Variants in SCML2 observed in about 807,000 individuals in gnomAD.
The protein encoded by SCML2 is Scm polycomb group protein like 2, also known as sex comb on midleg-like protein 2.
A neutral mutation model predicts 48.4 loss-of-function variants in SCML2; 6 were observed. The observed-to-expected ratio is 0.12, with a 90% confidence interval of 0.07 to 0.24. The LOEUF (loss-of-function observed/expected upper bound fraction) is 0.24, where lower values mean the gene tolerates loss of function less well. SCML2 is among the 10% of genes least tolerant of loss of function. SCML2 has a pLI of 1.00. For synonymous variants in SCML2, 181 were observed against 189.5 expected, an observed-to-expected ratio of 0.95 and a Z score of 0.37; for missense variants, 377 against 528.2, an observed-to-expected ratio of 0.71 and a Z score of 2.81.
At chrX:18,347,041 T>C (rs774731323) in intron 1 of SCML2, among the ~76,000 whole-genome samples, 7 of 112,294 alleles carry the variant, frequency 6.2e-5, no homozygotes, top group African/African-American at 1.9e-4. Context: ...AATAATCAAA[T>C]GTCACATTTT....
intron 7 of SCML2, among the ~76,000 whole-genome samples, chrX:18,297,642 T>C (rs1022296620): frequency 9.0e-6 from 1 of 111,440 alleles, no homozygotes; most frequent in Admixed American, 9.5e-5. Context: ...TATACACCAA[T>C]AATGAAATAG....
At chrX:18,265,523 T>C (rs1278316343) in intron 8 of SCML2, 62 bp downstream of exon 8, 4 of 873,339 alleles carry the variant, frequency 4.6e-6, no homozygotes, top group Admixed American at 2.7e-5. Flanking sequence ...CTAAATTGTA[T>C]GTTATAAATA....
intron 6 of SCML2, among the ~76,000 whole-genome samples, chrX:18,307,017 C>G (rs747421808): frequency 9.0e-5 from 10 of 110,885 alleles, no homozygotes. Context: ...GGGCTCAAAC[C>G]TGTAATCCCT....
chrX:18,345,810 G>C (rs2147570010), intron 1 of SCML2, among the ~76,000 whole-genome samples: 1 of 110,056 alleles, frequency 9.1e-6, no homozygotes, highest in Non-Finnish European at 1.9e-5. Flanking sequence ...TGACCTCCCG[G>C]CCTTAAGTGA....
chrX:18,244,491 A>G (rs894248937), intron 13 of SCML2, among the ~76,000 whole-genome samples: 1 of 112,121 alleles, frequency 8.9e-6, no homozygotes, highest in Non-Finnish European at 1.9e-5. Context: ...TATTAAAAAT[A>G]AAACCATAAG....
intron 1 of SCML2, among the ~76,000 whole-genome samples, chrX:18,353,149 A>AAC (rs1555923948): frequency 1.2e-3 from 134 of 110,657 alleles, no homozygotes; most frequent in African/African-American, 4.1e-3. Context: ...AAAAAAAAAA[A>AAC]ACACACAAAC....
chrX:18,345,624 T>A (rs1189832145), intron 1 of SCML2, among the ~76,000 whole-genome samples: 2 of 111,151 alleles, frequency 1.8e-5, no homozygotes, highest in Non-Finnish European at 3.8e-5. Flanking sequence ...ACTCCTGGGC[T>A]CAATGAATCC....
intron 7 of SCML2, among the ~76,000 whole-genome samples, chrX:18,275,836 G>C (rs1217027058): frequency 5.3e-5 from 6 of 112,221 alleles, no homozygotes; most frequent in African/African-American, 1.9e-4. Flanking sequence ...TTAATTTTTA[G>C]AATATATTCA....
intron 6 of SCML2, among the ~76,000 whole-genome samples, chrX:18,307,581 T>C (rs894239734): frequency 3.6e-5 from 4 of 111,904 alleles, no homozygotes; most frequent in African/African-American, 6.5e-5. Flanking sequence ...AGACTTTCTG[T>C]AGCAAAGCAA....
At chrX:18,328,550 T>C (rs1175318335) in intron 3 of SCML2, among the ~76,000 whole-genome samples, 1 of 111,218 alleles carries the variant, frequency 9.0e-6, no homozygotes, top group African/African-American at 3.3e-5. Flanking sequence ...TGCACGCCTG[T>C]GGTCCCACAT....
intron 6 of SCML2, among the ~76,000 whole-genome samples, chrX:18,306,225 T>C (rs1419597392): frequency 2.7e-5 from 3 of 111,257 alleles, no homozygotes; most frequent in Admixed American, 9.6e-5. Context: ...AATTCTAAGG[T>C]GCACTTGAGG....
chrX:18,316,553 A>T (rs916648059), intron 6 of SCML2, among the ~76,000 whole-genome samples: 22 of 112,349 alleles, frequency 2.0e-4, no homozygotes, highest in Admixed American at 1.9e-3. Context: ...CCAAAAAAAG[A>T]GTCATGAAAA....
rs1926453018 is a variant in SCML2 at position 18,246,537 on chromosome X, A to C, written c.1822+40T>G. 1.0e-5 allele frequency: 12 copies of C among 1,155,211 alleles called. No homozygotes were observed. The East Asian group carries it at 3.6e-4, about 35-fold the overall frequency. ...CTGTTAGGTATGAAAATCTCAAGGC[A>C]AAAGACAAACACATTGAGAGTCACT... On this transcript the variant is annotated intron_variant, in intron 13 of 14. Coordinates refer to ENST00000251900, the MANE Select transcript of SCML2 (RefSeq NM_006089.3).
At chrX:18,278,091 G>A (rs774469797) in intron 7 of SCML2, among the ~76,000 whole-genome samples, 4 of 112,369 alleles carry the variant, frequency 3.6e-5, no homozygotes, top group Non-Finnish European at 5.6e-5. Flanking sequence ...CTGGAAGGCA[G>A]AGACTGCAGT....
chrX:18,338,522 T>C (rs1417325939), intron 1 of SCML2, among the ~76,000 whole-genome samples: 2 of 107,550 alleles, frequency 1.9e-5, no homozygotes, highest in Admixed American at 2.0e-4. Flanking sequence ...TCTAAAATAG[T>C]TGAACTCACA....
chrX:18,307,080 TGAC>T (rs1928779289), intron 6 of SCML2, among the ~76,000 whole-genome samples: 1 of 111,166 alleles, frequency 9.0e-6, no homozygotes, highest in Non-Finnish European at 1.9e-5. Flanking sequence ...CTCAGGAGTT[TGAC>T]AACAGCCTGG....
rs763856312 is a variant in SCML2, at chrX:18,320,517, G to A, written c.398-97C>T. 4.8e-5 allele frequency: 23 copies of A among 478,227 alleles called. No homozygotes were observed. The South Asian group carries it at 8.4e-4, about 17-fold the overall frequency. The allele number at this position is 478,227 out of a possible 1,213,427, so 39.4% of individuals were successfully genotyped here. ...ATAGGTTTCATTCACCATTCTTCTC[G>A]AGAGAATGACTTTCTTATCTAAGAA... On this transcript the variant is annotated intron_variant, in intron 5 of 14. Transcript: ENST00000251900.
At chrX:18,257,958 A>AAAGGGAAGGGGGAAGGGAAGGGGG in intron 10 of SCML2, 86 bp downstream of exon 10, 2 of 462,413 alleles carry the variant, frequency 4.3e-6, no homozygotes, top group African/African-American at 3.7e-5. Flanking sequence ...AGGGGAGAGG[A>AAAGGGAAGGGGGAAGGGAAGGGGG]AAGGGAAGGG....
At chrX:18,270,727 T>C (rs1482704384) in intron 7 of SCML2, among the ~76,000 whole-genome samples, 1 of 111,511 alleles carries the variant, frequency 9.0e-6, no homozygotes, top group Non-Finnish European at 1.9e-5. Context: ...GCTGAAACTC[T>C]ATTCAGTATT....
Sources: gnomAD v4.1 joint callset for allele counts (sites outside exome capture counted in the v4.1 genomes callset) on GRCh38, gnomAD v4.1.1 for gene constraint, MANE v1.5 for transcripts, NCBI Gene and HGNC (gene_info 2026-07-23, HGNC 2026-07-21) for gene names.